Variants in FRAS1 observed in about 807,000 individuals in gnomAD.
FRAS1 encodes extracellular matrix organizing protein FRAS1.
A neutral mutation model predicts 435.2 loss-of-function variants in FRAS1; 290 were observed. That is an observed-to-expected ratio of 0.67 (90% CI 0.61 to 0.73). The LOEUF (loss-of-function observed/expected upper bound fraction) is 0.73, where lower values mean the gene tolerates loss of function less well. FRAS1 is among the 30% of genes least tolerant of loss of function. The probability of loss-of-function intolerance (pLI) is 0.00; values close to 1 mark genes in which losing one functional copy is unlikely to be tolerated. For missense variants in FRAS1, 4,860 were observed against 5,001.5 expected, an observed-to-expected ratio of 0.97 and a Z score of 0.85; for synonymous variants, 1,800 against 1,851.0, an observed-to-expected ratio of 0.97 and a Z score of 0.71.
chr4:78,235,638 A>G lies in FRAS1; in HGVS notation c.109-1872A>G, dbSNP rs192253458. The stretch of plus-strand genomic sequence containing the variant: ...GTCTGGTCCAGCAAGGCTAACAGGA[A>G]TATAAATGAGTGCAATAAAGTGTGA... On this transcript the variant is annotated intron_variant, in intron 2 of 73. Coordinates refer to ENST00000512123, the MANE Select transcript of FRAS1 (RefSeq NM_025074.7). 3.9e-3 allele frequency among the ~76,000 whole-genome samples: 592 copies of G among 152,330 alleles called. 2 individuals carry two copies. Among genetic ancestry groups the G allele is most frequent in the Non-Finnish European group, 6.9e-3 (467 of 68,016 alleles).
chr4:78,175,304 T>C (rs1465975845), intron 2 of FRAS1, among the ~76,000 whole-genome samples: 1 of 152,216 alleles, frequency 6.6e-6, no homozygotes, highest in East Asian at 1.9e-4. Context: ...TTACTGTTCT[T>C]TTCTTGGTCA....
At chr4:78,202,281 A>G (rs933000484) in intron 2 of FRAS1, among the ~76,000 whole-genome samples, 15 of 152,154 alleles carry the variant, frequency 9.9e-5, no homozygotes, top group Non-Finnish European at 2.2e-4. Flanking sequence ...TGATTTCTCA[A>G]CTTTTCCAAA....
Position 78,372,863 on chromosome 4 carries a change from G to T in FRAS1, c.3010+5G>T. The T allele has an allele frequency of 1.2e-6, 2 of 1,612,010 alleles. No homozygotes were observed. Among genetic ancestry groups the T allele is most frequent in the Non-Finnish European group, 1.7e-6 (2 of 1,179,532 alleles). On this transcript the variant is annotated splice_donor_5th_base_variant and intron_variant, in intron 24 of 73. Coordinates refer to ENST00000512123, the MANE Select transcript of FRAS1 (RefSeq NM_025074.7). ...AGGACTCGGGCCTCTGCAAGAGTAA[G>T]TGTGTAGAGGCCCTGCTCTGTGCTC...
At chr4:78,338,270 AT>A (rs374262040) in intron 20 of FRAS1, among the ~76,000 whole-genome samples, 10,782 of 149,958 alleles carry the variant, frequency 0.072, 752 homozygotes, top group African/African-American at 0.19. Flanking sequence ...AGGAGATGGG[AT>A]TTTTTTTTTC....
At chr4:78,064,807 A>C (rs1390031922) in intron 1 of FRAS1, among the ~76,000 whole-genome samples, 13 of 151,950 alleles carry the variant, frequency 8.6e-5, no homozygotes, top group Admixed American at 8.5e-4. Context: ...ATGATCCATT[A>C]GAGGTAAGCA....
intron 2 of FRAS1, among the ~76,000 whole-genome samples, chr4:78,232,348 C>T (rs1396804045): frequency 4.6e-5 from 7 of 150,686 alleles, no homozygotes; most frequent in South Asian, 2.1e-4. Context: ...TGCAGTGGTG[C>T]GATCTCGGCT....
At chr4:78,495,086 T>G (rs1720473901) in intron 59 of FRAS1, among the ~76,000 whole-genome samples, 1 of 152,196 alleles carries the variant, frequency 6.6e-6, no homozygotes, top group South Asian at 2.1e-4. Context: ...TACTAATCTT[T>G]CATATGCTTG....
At chr4:78,537,293 C>G in intron 72 of FRAS1, 93 bp downstream of exon 72, 4 of 1,173,468 alleles carry the variant, frequency 3.4e-6, no homozygotes, top group Non-Finnish European at 4.8e-6. Flanking sequence ...AGAGCTCACT[C>G]TTGATATTTT....
chr4:78,274,304 C>G (rs1726880041), intron 9 of FRAS1, among the ~76,000 whole-genome samples: 1 of 152,190 alleles, frequency 6.6e-6, no homozygotes, highest in South Asian at 2.1e-4. Flanking sequence ...TTTTTTGTGT[C>G]TCTATCTCCT....
chr4:78,120,891 T>A (rs781614590), intron 2 of FRAS1, among the ~76,000 whole-genome samples: 1 of 152,066 alleles, frequency 6.6e-6, no homozygotes, highest in Non-Finnish European at 1.5e-5. Context: ...GTGGGGGGGA[T>A]GGAGTTACAG....
intron 2 of FRAS1, among the ~76,000 whole-genome samples, chr4:78,202,280 AACTTT>A (rs1723077993): frequency 6.6e-6 from 1 of 152,202 alleles, no homozygotes; most frequent in South Asian, 2.1e-4. Context: ...CTGATTTCTC[AACTTT>A]TCCAAATTCG....
rs760601199 is a variant in FRAS1, at chr4:78,343,411, T to TTCCC, written c.2422+5621_2422+5624dup. Among the ~76,000 whole-genome samples the TTCCC allele has an allele frequency of 6.0e-3, 872 of 145,650 alleles. 10 individuals are homozygous for TTCCC. The highest frequency in any genetic ancestry group is 0.02 in the African/African-American group (739 of 36,968). On this transcript the variant is annotated intron_variant, in intron 20 of 73. Coordinates refer to ENST00000512123, the MANE Select transcript of FRAS1 (RefSeq NM_025074.7). ...GTATGCAGGTTGTAGACCAACTGAC[T>TTCCC]TCCCTCCCTCCCTCCCTCCCTCCCT...
intron 41 of FRAS1, among the ~76,000 whole-genome samples, chr4:78,442,175 G>T (rs191822482): frequency 6.6e-6 from 1 of 152,360 alleles, no homozygotes; most frequent in Non-Finnish European, 1.5e-5. Flanking sequence ...AGAAGTTTTG[G>T]ATCCTTTTCC....
At chr4:78,430,661 G>A (rs1734179050) in intron 37 of FRAS1, among the ~76,000 whole-genome samples, 1 of 152,014 alleles carries the variant, frequency 6.6e-6, no homozygotes, top group African/African-American at 2.4e-5. Flanking sequence ...TTAAACTATA[G>A]GTGAAATGGG....
At chr4:78,217,657 G>A (rs1342548663) in intron 2 of FRAS1, among the ~76,000 whole-genome samples, 1 of 152,020 alleles carries the variant, frequency 6.6e-6, no homozygotes, top group Non-Finnish European at 1.5e-5. Context: ...TCTGTTGTTG[G>A]CAGTTGTCGC....
chr4:78,501,606 T>G (rs1720683677), intron 61 of FRAS1, among the ~76,000 whole-genome samples: 1 of 152,228 alleles, frequency 6.6e-6, no homozygotes, highest in Non-Finnish European at 1.5e-5. Flanking sequence ...GTCCTATTTC[T>G]CCACATCCTC....
chr4:78,452,110 G>T, intron 46 of FRAS1, 65 bp from the exon 47 acceptor site: 3 of 1,533,950 alleles, frequency 2.0e-6, no homozygotes, highest in Non-Finnish European at 2.7e-6. Context: ...TTGGCACCAG[G>T]CCTAGAATTA....
chr4:78,412,997 G>T lies in FRAS1; in HGVS notation c.4337G>T (p.Arg1446Leu), dbSNP rs367990025. The T allele has an allele frequency of 3.1e-6, 5 of 1,607,826 alleles. No individual in the cohort carries two copies. Among genetic ancestry groups the T allele is most frequent in the Non-Finnish European group, 4.2e-6 (5 of 1,177,448 alleles). Residue 1446 changes from arginine to leucine, a missense_variant, in exon 32 of 74, where the codon CGC (arginine) becomes CTC (leucine). By Grantham distance (102) the Arg-to-Leu change is moderately radical. Transcript: ENST00000512123. ...TCCAGTGCCTCCAATGCCCAGACCCGCCTGGAGAGCCACATGTTCAACATC... is the reference window on the plus strand; with the variant it reads ...TCCAGTGCCTCCAATGCCCAGACCCTCCTGGAGAGCCACATGTTCAACATC... ...EVSSASNAQTRLESHMFNIAI... is the reference protein window; with the variant it reads ...EVSSASNAQTLLESHMFNIAI...
chr4:78,334,394 C>T lies in FRAS1; in HGVS notation c.2278+982C>T, dbSNP rs1185659456. 2.4e-4 allele frequency among the ~76,000 whole-genome samples: 22 copies of T among 90,974 alleles called. 1 individual carries two copies. The highest frequency in any genetic ancestry group is 3.4e-4 in the Admixed American group (2 of 5,826). 59.7% of individuals were successfully genotyped at this position (90,974 alleles called of 152,430 possible). A position where few individuals can be genotyped will look rare whatever the true frequency, so the allele number is the denominator to read the frequency against. ...TTTTTTTTTTTTTTTTTTTTTGAGA[C>T]GGAGTCTTGCTCCGTCACCAGGCTG... On this transcript the variant is annotated intron_variant, in intron 19 of 73. Transcript: ENST00000512123.
Sources: gnomAD v4.1 joint callset for allele counts (sites outside exome capture counted in the v4.1 genomes callset) on GRCh38, gnomAD v4.1.1 for gene constraint, MANE v1.5 for transcripts, NCBI Gene and HGNC (gene_info 2026-07-23, HGNC 2026-07-21) for gene names.